FMNL1: variants seen among roughly 807,000 people sequenced by gnomAD.
FMNL1 encodes formin-like protein 1.
FMNL1 carries 43 observed loss-of-function variants against 121.3 expected under a neutral mutation model. That is an observed-to-expected ratio of 0.35 (90% CI 0.28 to 0.46). FMNL1 has a LOEUF of 0.46. FMNL1 is among the 20% of genes least tolerant of loss of function. The pLI is 1.00. For synonymous variants in FMNL1, 613 were observed against 613.5 expected (o/e 1.00, Z 0.01); for missense variants, 1,191 against 1,482.4 (o/e 0.80, Z 3.23).
chr17:45,241,860 A>C lies in FMNL1; in HGVS notation c.1599A>C (p.Ala533=). The C allele has an allele frequency of 7.0e-7, 1 of 1,430,424 alleles. No homozygotes were observed. Among genetic ancestry groups the C allele is most frequent in the Non-Finnish European group, 9.1e-7 (1 of 1,101,578 alleles). The allele number at this position is 1,430,424 out of a possible 1,614,324, so 88.6% of individuals were successfully genotyped here. Residue 533 remains alanine, a synonymous_variant, in exon 15 of 27, where the codon GCA becomes GCC. Transcript: ENST00000331495. This position sits in a 1 kb window ranked among gnomAD's most constrained non-coding sequence, Gnocchi z 7.0. ...TGSPSPDLAP[A]AEPAPGAAPP... is the part of the protein sequence containing the mutation. Reference sequence around the variant, plus strand: ...TCGCTGGCTCAGATCTCGCACCTGCAGCAGAGCCGGCTCCCGGAGCAGCGC... The same window carrying C: ...TCGCTGGCTCAGATCTCGCACCTGCCGCAGAGCCGGCTCCCGGAGCAGCGC...
intron 9 of FMNL1, 75 bp from the exon 10 acceptor site, chr17:45,238,489 C>T (rs1164481365): frequency 1.3e-6 from 2 of 1,497,956 alleles, no homozygotes; most frequent in South Asian, 1.2e-5. Flanking sequence ...CCTGTTGAAG[C>T]ACAGGTGTGG....
chr17:45,243,780 C>A lies in FMNL1; in HGVS notation c.2214-11C>A, dbSNP rs374162700. On this transcript the variant is annotated splice_polypyrimidine_tract_variant and intron_variant, in intron 17 of 26. Coordinates refer to ENST00000331495, the MANE Select transcript of FMNL1 (RefSeq NM_005892.4). ...GATGATGCCCAATCTCCCCTCTCCT[C>A]CCTCTCACAGGTACGACCTGCAGGC... is the stretch of plus-strand genomic sequence containing the variant. The A allele has an allele frequency of 2.4e-5, 38 of 1,603,290 alleles. No homozygotes were observed. In the African/African-American group the frequency reaches 4.4e-4, roughly 19 times the overall value.
Position 45,233,410 on chromosome 17 carries a change from G to A in FMNL1, c.401+113G>A, listed in dbSNP as rs2143361534. ...GCCCCCTGCACAAGGCTGTGCTTGTGGACCACCTCCTGGAGGTGTCCAGGA... is the reference window on the plus strand; with the variant it reads ...GCCCCCTGCACAAGGCTGTGCTTGTAGACCACCTCCTGGAGGTGTCCAGGA... On this transcript the variant is annotated intron_variant, in intron 4 of 26. Coordinates refer to ENST00000331495, the MANE Select transcript of FMNL1 (RefSeq NM_005892.4). This position sits in a 1 kb window ranked among gnomAD's most constrained non-coding sequence, Gnocchi z 4.1. The A allele has an allele frequency of 8.4e-7, 1 of 1,191,364 alleles. No homozygotes were observed. Among genetic ancestry groups the A allele is most frequent in the Non-Finnish European group, 1.2e-6 (1 of 854,006 alleles). The allele number at this position is 1,191,364 out of a possible 1,614,324, so 73.8% of individuals were successfully genotyped here.
rs2043727714 is a variant in FMNL1, at chr17:45,242,439, G to A, written c.1984G>A (p.Glu662Lys). 1 of 1,613,954 alleles carries A rather than the reference G, an allele frequency of 6.2e-7. No individual in the cohort carries two copies. Among genetic ancestry groups the A allele is most frequent in the Non-Finnish European group, 8.5e-7 (1 of 1,179,922 alleles). The change falls in exon 16 of 27, where the codon GAG (glutamate) becomes AAG (lysine). Residue 662 changes from glutamate (E) to lysine (K), a missense_variant. Physicochemically the swap from Glu to Lys is moderately conservative, Grantham distance 56 (BLOSUM62 1). Around this residue, in one of 4 missense-constraint regions of FMNL1, gnomAD observed 519 missense variants for 492.8 expected, o/e 1.05. Coordinates refer to ENST00000331495, the MANE Select transcript of FMNL1 (RefSeq NM_005892.4). ...PSQITGTVFT[E>K]LNDEKVLQEL... ...CCAGATCACCGGCACTGTCTTCACA[G>A]AGCTCAATGATGAGAAGGTGCTGCA...
Position 45,241,844 on chromosome 17 carries a change from C to A in FMNL1, c.1586-3C>A. On this transcript the variant is annotated splice_polypyrimidine_tract_variant and splice_region_variant and intron_variant, in intron 14 of 26. Transcript: ENST00000331495. This position sits in a 1 kb window ranked among gnomAD's most constrained non-coding sequence, Gnocchi z 7.0. The stretch of plus-strand genomic sequence containing the variant: ...CCCCCACGCCGCGCCCTCGCTGGCT[C>A]AGATCTCGCACCTGCAGCAGAGCCG... 7.0e-7 allele frequency: 1 copy of A among 1,427,514 alleles called. No homozygotes were observed. Among genetic ancestry groups the A allele is most frequent in the Non-Finnish European group, 9.1e-7 (1 of 1,100,246 alleles). 88.4% of individuals were successfully genotyped at this position (1,427,514 alleles called of 1,614,324 possible). A position where few individuals can be genotyped will look rare whatever the true frequency, so the allele number is the denominator to read the frequency against.
rs963738445 is a variant in FMNL1, at chr17:45,247,075, C to T, written c.*217C>T. The T allele has an allele frequency of 6.5e-6, 4 of 619,518 alleles. No individual in the cohort carries two copies. The highest frequency in any genetic ancestry group is 1.2e-5 in the Non-Finnish European group (4 of 339,388). 38.4% of individuals were successfully genotyped at this position (619,518 alleles called of 1,614,324 possible). A position where few individuals can be genotyped will look rare whatever the true frequency, so the allele number is the denominator to read the frequency against. On this transcript the variant is annotated 3_prime_UTR_variant, in exon 27 of 27. Coordinates refer to ENST00000331495, the MANE Select transcript of FMNL1 (RefSeq NM_005892.4). ...GGCTGGCCGGGCAGCCCCTCCTCCG[C>T]TGTGGCCCGCCTCAAACGGGCTGGT...
chr17:45,240,840 G>A (rs923247388), intron 12 of FMNL1: 8 of 765,478 alleles, frequency 1.0e-5, no homozygotes, highest in African/African-American at 8.8e-5. Flanking sequence ...TCACTGACAG[G>A]CCCCTCCTCT....
chr17:45,241,214 A>T lies in FMNL1; in HGVS notation c.1316A>T (p.Glu439Val), dbSNP rs752120142. Residue 439 changes from glutamate to valine, a missense_variant, in exon 13 of 27, where the codon GAG becomes GTG. Coordinates refer to ENST00000331495, the MANE Select transcript of FMNL1 (RefSeq NM_005892.4). This position sits in a 1 kb window ranked among gnomAD's most constrained non-coding sequence, Gnocchi z 7.0. ...LEKQLSQARK[E>V]LETLRERFSE... ...AAACAGCTAAGCCAGGCGCGCAAGG[A>T]GTTGGAGACCCTGCGGGTGAGGCTG... The T allele has an allele frequency of 6.2e-7, 1 of 1,614,068 alleles. No homozygotes were observed. Among genetic ancestry groups the T allele is most frequent in the East Asian group, 2.2e-5 (1 of 44,884 alleles).
rs1471997477 is a variant in FMNL1 at position 45,247,111 on chromosome 17, C to T, written c.*253C>T. 3 of 597,134 alleles carry T rather than the reference C, an allele frequency of 5.0e-6. No individual in the cohort carries two copies. The highest frequency in any genetic ancestry group is 2.8e-5 in the Admixed American group (1 of 35,218). 37.0% of individuals were successfully genotyped at this position (597,134 alleles called of 1,614,324 possible). ...CTCAAACGGGCTGGTGCATCCTCCT[C>T]TTGGCCACAGAGGGCAGCATCGCCC... On this transcript the variant is annotated 3_prime_UTR_variant, in exon 27 of 27. Coordinates refer to ENST00000331495, the MANE Select transcript of FMNL1 (RefSeq NM_005892.4).
At position 45,222,060 on chromosome 17, in the gene FMNL1, C is replaced by A; in HGVS notation, c.-65C>A. ...CCCCCGCCCGGGCCGGGAGCCTCGT[C>A]CCCGTCCCCCGGAAAGCTGGATTTC... On this transcript the variant is annotated 5_prime_UTR_variant, in exon 1 of 27. Coordinates refer to ENST00000331495, the MANE Select transcript of FMNL1 (RefSeq NM_005892.4). The A allele has an allele frequency of 8.9e-7, 1 of 1,124,270 alleles. No individual in the cohort carries two copies. Among genetic ancestry groups the A allele is most frequent in the Non-Finnish European group, 1.1e-6 (1 of 917,932 alleles). 69.6% of individuals were successfully genotyped at this position (1,124,270 alleles called of 1,614,324 possible).
rs112546177 is a variant in FMNL1 at position 45,243,946 on chromosome 17, G to A, written c.2369G>A (p.Arg790His). The A allele has an allele frequency of 1.8e-4, 283 of 1,613,462 alleles. 1 individual carries two copies. The highest frequency in any genetic ancestry group is 2.1e-4 in the Non-Finnish European group (245 of 1,180,024). Residue 790 changes from arginine to histidine, a missense_variant, in exon 18 of 27, where the codon CGC (arginine) becomes CAC (histidine). By Grantham distance (29) the Arg-to-His change is conservative. Transcript: ENST00000331495. Reference protein sequence around the residue: ...EEDRFMLCFSRIPRLPERMTT... With the variant: ...EEDRFMLCFSHIPRLPERMTT... ...GACCGCTTCATGCTATGCTTCAGCC[G>A]CATCCCGCGCCTGCCGGAGCGCATG...
chr17:45,243,003 G>T (rs2043744354), intron 16 of FMNL1, 115 bp from the exon 17 acceptor site: 13 of 1,150,800 alleles, frequency 1.1e-5, no homozygotes, highest in Non-Finnish European at 1.6e-5. Flanking sequence ...TGGGTTACTG[G>T]TTCTCTGCTG....
chr17:45,230,713 C>T, intron 2 of FMNL1, 26 bp downstream of exon 2: 1 of 1,610,254 alleles, frequency 6.2e-7, no homozygotes, highest in Non-Finnish European at 8.5e-7. Context: ...GCCCAGCCAC[C>T]CCTTCCCTCC....
At position 45,238,596 on chromosome 17, in the gene FMNL1, G is replaced by C. The variant is rs2043604660; in HGVS notation, c.927G>C (p.Leu309=). The change falls in exon 10 of 27, where the codon CTG becomes CTC. Residue 309 remains leucine, a synonymous_variant. Coordinates refer to ENST00000331495, the MANE Select transcript of FMNL1 (RefSeq NM_005892.4). ...GGGAGCAGCACCGCTTTGAAAAGCT[G>C]ATGGAATATTTCCGGAATGAGGACA... ...VCGEQHRFEK[L]MEYFRNEDSN... is the part of the protein sequence containing the mutation. 6.2e-7 allele frequency: 1 copy of C among 1,614,216 alleles called. No homozygotes were observed. Among genetic ancestry groups the C allele is most frequent in the Non-Finnish European group, 8.5e-7 (1 of 1,180,028 alleles).
At chr17:45,232,625 T>C (rs1202255777) in intron 3 of FMNL1, 145 bp downstream of exon 3, 5 of 772,130 alleles carry the variant, frequency 6.5e-6, no homozygotes, top group Non-Finnish European at 1.1e-5. Context: ...GTCTGTGTAT[T>C]TATAGGGGAA....
chr17:45,238,848 G>T, intron 10 of FMNL1, 107 bp from the exon 11 acceptor site: 1 of 1,118,678 alleles, frequency 8.9e-7, no homozygotes, highest in Non-Finnish European at 1.3e-6. Context: ...GGAGTTAGTG[G>T]AGTGAGAACT....
At chr17:45,232,799 ATG>A (rs1043434388) in intron 3 of FMNL1, 58 of 573,456 alleles carry the variant, frequency 1.0e-4, no homozygotes, top group African/African-American at 2.8e-4. Flanking sequence ...CCACTTATGG[ATG>A]TGTGTGTGTA....
chr17:45,232,507 C>G, intron 3 of FMNL1, 27 bp downstream of exon 3: 1 of 1,605,832 alleles, frequency 6.2e-7, no homozygotes, highest in African/African-American at 1.3e-5. Context: ...TTTACTCTGT[C>G]CCTTTCCCCC....
chr17:45,237,405 A>C lies in FMNL1; in HGVS notation c.800+48A>C. ...TTCTCCGTATCTAGAGTCTTCTCCT[A>C]CTTAGCCCCTTGCTTACTCTGTCCT... On this transcript the variant is annotated intron_variant, in intron 8 of 26. Transcript: ENST00000331495. The surrounding 1 kb of genome is among the most constrained non-coding windows in gnomAD (Gnocchi z 4.4). 10 of 1,611,932 alleles carry C rather than the reference A, an allele frequency of 6.2e-6. No individual in the cohort carries two copies. Among genetic ancestry groups the C allele is most frequent in the Non-Finnish European group, 8.5e-6 (10 of 1,178,074 alleles).
Sources: gnomAD v4.1 joint callset for allele counts on GRCh38, gnomAD v4.1.1 for gene constraint, gnomAD v4.1.1 regional missense constraint, Gnocchi (gnomAD v3.1) non-coding constraint, MANE v1.5 for transcripts, NCBI Gene and HGNC (gene_info 2026-07-23, HGNC 2026-07-21) for gene names.